The following ZSCAN18 variants were observed in gnomAD, a reference collection of about 807,000 sequenced individuals.
The protein encoded by ZSCAN18 is zinc finger and SCAN domain-containing protein 18.
Under a neutral mutation model 31.1 loss-of-function variants are expected in ZSCAN18, and 16 were observed. The ratio of observed to expected loss-of-function variants is 0.51; its 90% CI spans 0.35 to 0.78. The LOEUF is 0.78. Ranked by LOEUF, ZSCAN18 falls within the 30% of genes least tolerant of loss-of-function variation. The pLI, the probability that ZSCAN18 is intolerant of heterozygous loss-of-function variation, is 0.01. For missense variants in ZSCAN18, 731 were observed against 697.4 expected (o/e 1.05, Z -0.54); for synonymous variants, 375 against 320.7 (o/e 1.17, Z -1.81).
chr19:58,090,283 C>G lies in ZSCAN18; in HGVS notation c.-16G>C. On this transcript the variant is annotated 5_prime_UTR_variant, in exon 2 of 7. Transcript: ENST00000601144. The surrounding 1 kb of genome is among the most constrained non-coding windows in gnomAD (Gnocchi z 4.7). ...AAGGCAACATCTTTCCAAAACGGCA[C>G]TGGAAAATGTGACTGTCTAGCCAGG... is the stretch of plus-strand genomic sequence containing the variant. The G allele has an allele frequency of 6.2e-7, 1 of 1,613,490 alleles. No individual in the cohort carries two copies. The highest frequency in any genetic ancestry group is 8.5e-7 in the Non-Finnish European group (1 of 1,180,034).
intron 1 of ZSCAN18, among the ~76,000 whole-genome samples, chr19:58,095,224 ATT>A (rs933503030): frequency 6.6e-6 from 1 of 152,140 alleles, no homozygotes; most frequent in African/African-American, 2.4e-5. Flanking sequence ...CAGGCATGTA[ATT>A]TTGGCTTTCT....
exon 1 of ZSCAN18, chr19:58,118,280 T>C: frequency 6.7e-7 from 1 of 1,488,950 alleles, no homozygotes; most frequent in South Asian, 1.3e-5. Flanking sequence ...CACTAGGCCT[T>C]GGCTCCGCGA....
chr19:58,086,150 A>G (rs1198596186), intron 6 of ZSCAN18, 24 bp downstream of exon 6: 4 of 1,612,336 alleles, frequency 2.5e-6, no homozygotes, highest in Non-Finnish European at 3.4e-6. Flanking sequence ...ACCCGGCCCT[A>G]ACACCAATTC....
upstream of ZSCAN18, among the ~76,000 whole-genome samples, chr19:58,098,931 G>A (rs1293789459): frequency 6.6e-6 from 1 of 152,166 alleles, no homozygotes. Flanking sequence ...TTCAGGAGCT[G>A]CTGAAATGAG....
upstream of ZSCAN18, among the ~76,000 whole-genome samples, chr19:58,100,179 C>A (rs761064014): frequency 6.6e-6 from 1 of 151,774 alleles, no homozygotes; most frequent in Non-Finnish European, 1.5e-5. Flanking sequence ...GGTCTCAGAC[C>A]CCCGGGCTCA....
At chr19:58,117,313 G>C (rs2074738261) in intron 1 of ZSCAN18, among the ~76,000 whole-genome samples, 1 of 152,106 alleles carries the variant, frequency 6.6e-6, no homozygotes, top group East Asian at 1.9e-4. Context: ...GCCTGTCCCT[G>C]GGGGTCAGCA....
intron 3 of ZSCAN18, 180 bp downstream of exon 3, chr19:58,088,508 G>A (rs1396404136): frequency 1.9e-5 from 11 of 592,988 alleles, no homozygotes; most frequent in Non-Finnish European, 2.9e-5. Flanking sequence ...AATCTCTGAA[G>A]ACTAATTTAA....
At chr19:58,108,430 G>A (rs2074653210) in intron 1 of ZSCAN18, 2 of 985,440 alleles carry the variant, frequency 2.0e-6, no homozygotes, top group Non-Finnish European at 1.2e-6. Flanking sequence ...CTTTCACAGG[G>A]CTTCTTTCCT....
chr19:58,109,038 T>C (rs763419135), intron 1 of ZSCAN18: 15 of 1,221,342 alleles, frequency 1.2e-5, no homozygotes, highest in African/African-American at 3.1e-5. Context: ...GACATGAAGC[T>C]AGGACTGAGC....
chr19:58,091,270 A>AG (rs2074404818), intron 1 of ZSCAN18, among the ~76,000 whole-genome samples: 1 of 151,620 alleles, frequency 6.6e-6, no homozygotes, highest in Non-Finnish European at 1.5e-5. Flanking sequence ...TGTCTCAAAA[A>AG]AAAAAAAAAA....
chr19:58,090,161 G>C lies in ZSCAN18; in HGVS notation c.107C>G (p.Thr36Ser). Reference sequence around the variant, plus strand: ...GTCAGCAGGGGTCCTCTCAGGGATGGTCTCGGGTTCTTCCTGCTGGACTCC... The same window carrying C: ...GTCAGCAGGGGTCCTCTCAGGGATGCTCTCGGGTTCTTCCTGCTGGACTCC... Reference protein sequence around the residue: ...AAGVQQEEPETIPERTPADLE... With the variant: ...AAGVQQEEPESIPERTPADLE... Residue 36 changes from threonine (T) to serine (S), a missense_variant, in exon 2 of 7, where the codon ACC becomes AGC. Physicochemically the swap from Thr to Ser is moderately conservative, Grantham distance 58 (BLOSUM62 1). Coordinates refer to ENST00000601144, the MANE Select transcript of ZSCAN18 (RefSeq NM_001145543.2). The surrounding 1 kb of genome is among the most constrained non-coding windows in gnomAD (Gnocchi z 4.7). The C allele has an allele frequency of 1.2e-6, 2 of 1,613,824 alleles. No homozygotes were observed. Among genetic ancestry groups the C allele is most frequent in the Non-Finnish European group, 1.7e-6 (2 of 1,179,954 alleles).
Position 58,090,166 on chromosome 19 carries a change from G to C in ZSCAN18, c.102C>G (p.Pro34=), listed in dbSNP as rs776587005. The change falls in exon 2 of 7, where the codon CCC becomes CCG. Residue 34 remains proline (P), a synonymous_variant. Transcript: ENST00000601144. The surrounding 1 kb of genome is among the most constrained non-coding windows in gnomAD (Gnocchi z 4.7). ...GSAAGVQQEE[P]ETIPERTPAD... is the part of the protein sequence containing the mutation. ...CAGGGGTCCTCTCAGGGATGGTCTC[G>C]GGTTCTTCCTGCTGGACTCCGGCTG... 2.5e-6 allele frequency: 4 copies of C among 1,613,790 alleles called. No homozygotes were observed. Among genetic ancestry groups the C allele is most frequent in the South Asian group, 2.2e-5 (2 of 91,082 alleles).
In ZSCAN18 at chr19:58,085,240, T is replaced by C. The variant is rs61745257; in HGVS notation, c.978A>G (p.Glu326=). The change falls in exon 7 of 7, where the codon GAA becomes GAG. Residue 326 remains glutamate, a synonymous_variant. Transcript: ENST00000601144. ...GGTCCGGGGCCTTCCCAGGCTGCTCTTCCTCCTCCTCAGTGGTGCCCGACG... is the reference window on the plus strand; with the variant it reads ...GGTCCGGGGCCTTCCCAGGCTGCTCCTCCTCCTCCTCAGTGGTGCCCGACG... The part of the protein sequence containing the change: ...DPPSGTTEEE[E]EQPGKAPDPQ... The C allele has an allele frequency of 1.6e-5, 26 of 1,607,064 alleles. No individual in the cohort carries two copies. The highest frequency in any genetic ancestry group is 2.1e-5 in the Non-Finnish European group (25 of 1,178,954).
rs2074276469 is a variant in ZSCAN18 at position 58,086,200 on chromosome 19, C to G, written c.812G>C (p.Arg271Thr). 3 of 1,614,110 alleles carry G rather than the reference C, an allele frequency of 1.9e-6. No individual in the cohort carries two copies. Among genetic ancestry groups the G allele is most frequent in the Non-Finnish European group, 2.5e-6 (3 of 1,179,968 alleles). ...TGGGAGGCTGCTTCCTTGTGGATCT[C>G]TTTCCACCAACCGGAGTTCCTCAGT... ...LDTEELRLVE[R>T]DPQGSSLPEG... is the part of the protein sequence containing the mutation. The change falls in exon 6 of 7, where the codon AGA becomes ACA. Residue 271 changes from arginine to threonine, a missense_variant. This residue lies in a region of ZSCAN18 where 597 missense variants were observed against 499.5 expected (regional missense o/e 1.20). Transcript: ENST00000601144.
rs1188796745 is a variant in ZSCAN18, at chr19:58,085,102, C to T, written c.1116G>A (p.Pro372=). The change falls in exon 7 of 7, where the codon CCG becomes CCA. Residue 372 remains proline, a synonymous_variant. Coordinates refer to ENST00000601144, the MANE Select transcript of ZSCAN18 (RefSeq NM_001145543.2). ...TCTGCCCGTCCCCATCCTCGGGGTGCGGCCTCTTGGTTCCCAGTTTCGCCG... is the reference window on the plus strand; with the variant it reads ...TCTGCCCGTCCCCATCCTCGGGGTGTGGCCTCTTGGTTCCCAGTTTCGCCG... ...RGTAKLGTKR[P]HPEDGDGQSL... 1 of 1,606,218 alleles carries T rather than the reference C, an allele frequency of 6.2e-7. No homozygotes were observed. The highest frequency in any genetic ancestry group is 8.5e-7 in the Non-Finnish European group (1 of 1,176,018).
intron 1 of ZSCAN18, chr19:58,108,735 C>T (rs1190080658): frequency 1.0e-6 from 1 of 985,366 alleles, no homozygotes; most frequent in East Asian, 1.1e-4. Flanking sequence ...TATCAAACAC[C>T]TCCTCGTGTC....
In ZSCAN18 at chr19:58,090,944, C is replaced by T. The variant is rs1282246684; in HGVS notation, c.-119-558G>A. ...TGAATAGGATGAAAATGAAAAATTA[C>T]TTGACAATCTCTATGTAAACCTGGA... On this transcript the variant is annotated intron_variant, in intron 1 of 6. Transcript: ENST00000601144. This position sits in a 1 kb window ranked among gnomAD's most constrained non-coding sequence, Gnocchi z 4.7. Among the ~76,000 whole-genome samples the T allele has an allele frequency of 2.0e-5, 3 of 151,880 alleles. No homozygotes were observed. The highest frequency in any genetic ancestry group is 7.2e-5 in the African/African-American group (3 of 41,388).
chr19:58,100,645 C>T (rs955058004), upstream of ZSCAN18, among the ~76,000 whole-genome samples: 10 of 151,844 alleles, frequency 6.6e-5, no homozygotes, highest in African/African-American at 2.4e-4. Context: ...CGCGGTGGCT[C>T]ATGCCTGTAA....
intron 6 of ZSCAN18, 102 bp from the exon 7 acceptor site, chr19:58,085,481 G>T: frequency 9.3e-7 from 1 of 1,076,510 alleles, no homozygotes; most frequent in Admixed American, 2.9e-5. Flanking sequence ...AGGGCTCCGG[G>T]CTCTGGATCC....
Sources: gnomAD v4.1 joint callset for allele counts (sites outside exome capture counted in the v4.1 genomes callset) on GRCh38, gnomAD v4.1.1 for gene constraint, gnomAD v4.1.1 regional missense constraint, Gnocchi (gnomAD v3.1) non-coding constraint, MANE v1.5 for transcripts, NCBI Gene and HGNC (gene_info 2026-07-23, HGNC 2026-07-21) for gene names.